EEFSEC: variants seen among roughly 807,000 people sequenced by gnomAD.
EEFSEC encodes eukaryotic elongation factor, selenocysteine-tRNA specific, also known as selenocysteine-specific elongation factor.
Under a neutral mutation model 42.1 loss-of-function variants are expected in EEFSEC, and 43 were observed. The observed-to-expected ratio is 1.02, with a 90% confidence interval of 0.80 to 1.32. The LOEUF is 1.32. EEFSEC is among the 40% of genes most tolerant of loss of function. The pLI is 0.00. For synonymous variants in EEFSEC, 354 were observed against 339.1 expected (o/e 1.04, Z -0.48); for missense variants, 745 against 803.6 (o/e 0.93, Z 0.88).
chr3:128,413,370 T>C (rs2107645608), downstream of EEFSEC, among the ~76,000 whole-genome samples: 1 of 152,270 alleles, frequency 6.6e-6, no homozygotes, highest in East Asian at 1.9e-4. Context: ...CCTGCCCGCA[T>C]CCCAGCCTTG....
At chr3:128,368,711 G>A (rs2067619437) in intron 6 of EEFSEC, among the ~76,000 whole-genome samples, 1 of 152,226 alleles carries the variant, frequency 6.6e-6, no homozygotes, top group Admixed American at 6.5e-5. Flanking sequence ...GATAAAATGG[G>A]GGTAACAATC....
At chr3:128,211,280 G>C (rs1299944226) in intron 1 of EEFSEC, among the ~76,000 whole-genome samples, 2 of 152,064 alleles carry the variant, frequency 1.3e-5, no homozygotes, top group Admixed American at 6.6e-5. Context: ...TAGAGACAGG[G>C]TCTTGCTCTG....
the EEFSEC span, among the ~76,000 whole-genome samples, chr3:128,413,859 A>G: frequency 6.6e-6 from 1 of 152,192 alleles, no homozygotes; most frequent in Non-Finnish European, 1.5e-5. Context: ...GCACAGCCCA[A>G]CATCACCTGT....
chr3:128,254,137 G>T (rs552223319), intron 2 of EEFSEC, among the ~76,000 whole-genome samples: 1 of 152,302 alleles, frequency 6.6e-6, no homozygotes, highest in African/African-American at 2.4e-5. Context: ...TAGGGAATTT[G>T]CTTTGTGTCG....
intron 1 of EEFSEC, among the ~76,000 whole-genome samples, chr3:128,163,928 A>AT (rs920365187): frequency 1.5e-5 from 2 of 129,884 alleles, no homozygotes; most frequent in African/African-American, 6.5e-5. Flanking sequence ...CCAGTATTGC[A>AT]TTTTTTTGTG....
intron 1 of EEFSEC, among the ~76,000 whole-genome samples, chr3:128,187,593 C>T (rs376466649): frequency 6.6e-6 from 1 of 152,190 alleles, no homozygotes; most frequent in African/African-American, 2.4e-5. Context: ...CTGCTGAGAG[C>T]AGGACATTCT....
At chr3:128,227,289 T>C (rs1292019519) in intron 1 of EEFSEC, among the ~76,000 whole-genome samples, 1 of 152,196 alleles carries the variant, frequency 6.6e-6, no homozygotes, top group Non-Finnish European at 1.5e-5. Flanking sequence ...TTACTTACTT[T>C]TTGTGACAGA....
At position 128,163,216 on chromosome 3, in the gene EEFSEC, T is replaced by C. The variant is rs184367134; in HGVS notation, c.316+9393T>C. On this transcript the variant is annotated intron_variant, in intron 1 of 6. Transcript: ENST00000254730. ...TCTGGGTATCTTGGAGGCCCAGTCTTGGTGGGGGTAGAGCCTGGCACTTCT... is the reference window on the plus strand; with the variant it reads ...TCTGGGTATCTTGGAGGCCCAGTCTCGGTGGGGGTAGAGCCTGGCACTTCT... 1.5e-4 allele frequency among the ~76,000 whole-genome samples: 23 copies of C among 151,804 alleles called. No homozygotes were observed. The East Asian group carries it at 4.1e-3, about 27-fold the overall frequency.
chr3:128,229,106 T>C (rs1276389734), intron 1 of EEFSEC, among the ~76,000 whole-genome samples: 1 of 152,204 alleles, frequency 6.6e-6, no homozygotes, highest in Non-Finnish European at 1.5e-5. Flanking sequence ...GAGAAAATAA[T>C]GTCAGAGACT....
chr3:128,412,325 C>A (rs2068179608), downstream of EEFSEC, among the ~76,000 whole-genome samples: 1 of 152,206 alleles, frequency 6.6e-6, no homozygotes, highest in African/African-American at 2.4e-5. Context: ...TGGAGTTGGT[C>A]CCGGCCCTGG....
chr3:128,346,567 G>A (rs761746574), intron 5 of EEFSEC, among the ~76,000 whole-genome samples: 2 of 152,130 alleles, frequency 1.3e-5, no homozygotes, highest in Non-Finnish European at 2.9e-5. Context: ...TACCCACTGC[G>A]CCTTAAAAGT....
intron 1 of EEFSEC, among the ~76,000 whole-genome samples, chr3:128,216,903 A>C (rs971116756): frequency 6.6e-6 from 1 of 152,132 alleles, no homozygotes; most frequent in Non-Finnish European, 1.5e-5. Flanking sequence ...AGTGATCCTG[A>C]AAACTTTTCA....
At chr3:128,170,070 G>C (rs753743413) in intron 1 of EEFSEC, among the ~76,000 whole-genome samples, 5 of 152,126 alleles carry the variant, frequency 3.3e-5, no homozygotes, top group African/African-American at 4.8e-5. Flanking sequence ...GCAGATGTTG[G>C]GATAATTTTT....
chr3:128,182,898 G>A (rs866901674), intron 1 of EEFSEC, among the ~76,000 whole-genome samples: 1 of 138,440 alleles, frequency 7.2e-6, no homozygotes, highest in Non-Finnish European at 1.6e-5. Context: ...GGGTGGGGTG[G>A]TTGGTCTAGT....
rs747175826 is a variant in EEFSEC at position 128,264,798 on chromosome 3, C to G, written c.786+17C>G. 1.9e-6 allele frequency: 3 copies of G among 1,610,236 alleles called. No individual in the cohort carries two copies. The highest frequency in any genetic ancestry group is 2.5e-6 in the Non-Finnish European group (3 of 1,177,272). On this transcript the variant is annotated intron_variant, in intron 4 of 6. Coordinates refer to ENST00000254730, the MANE Select transcript of EEFSEC (RefSeq NM_021937.5). Reference sequence around the variant, plus strand: ...GCCCTCAAGGTCAGTCTTACCTTGTCTTCCCTTCTGGCCTCCTCGCTGGCA... The same window carrying G: ...GCCCTCAAGGTCAGTCTTACCTTGTGTTCCCTTCTGGCCTCCTCGCTGGCA...
intron 6 of EEFSEC, among the ~76,000 whole-genome samples, chr3:128,364,452 A>T (rs1359999748): frequency 6.6e-6 from 1 of 152,222 alleles, no homozygotes; most frequent in Non-Finnish European, 1.5e-5. Flanking sequence ...CTAGAATCAG[A>T]TGTGTGATGT....
At chr3:128,376,248 C>T (rs1030418485) in intron 6 of EEFSEC, among the ~76,000 whole-genome samples, 3 of 152,228 alleles carry the variant, frequency 2.0e-5, no homozygotes, top group African/African-American at 7.2e-5. Flanking sequence ...TGCAACCCTG[C>T]ATCCCCAAGG....
chr3:128,386,385 T>C (rs1261950513), intron 6 of EEFSEC, among the ~76,000 whole-genome samples: 2 of 152,094 alleles, frequency 1.3e-5, no homozygotes, highest in African/African-American at 4.8e-5. Flanking sequence ...CAGTTTCTCT[T>C]GAAAAGCAGG....
intron 2 of EEFSEC, among the ~76,000 whole-genome samples, chr3:128,249,072 T>G (rs1004607494): frequency 1.3e-5 from 2 of 152,252 alleles, no homozygotes; most frequent in Non-Finnish European, 2.9e-5. Flanking sequence ...TAAATGATTT[T>G]AAGTGACTAT....
Sources: gnomAD v4.1 joint callset for allele counts (sites outside exome capture counted in the v4.1 genomes callset) on GRCh38, gnomAD v4.1.1 for gene constraint, MANE v1.5 for transcripts, NCBI Gene and HGNC (gene_info 2026-07-23, HGNC 2026-07-21) for gene names.